Variants in SORBS2 observed in about 807,000 individuals in gnomAD.
The protein encoded by SORBS2 is sorbin and SH3 domain-containing protein 2.
Under a neutral mutation model 97.7 loss-of-function variants are expected in SORBS2, and 46 were observed. The ratio of observed to expected loss-of-function variants is 0.47; its 90% CI spans 0.37 to 0.60. The LOEUF (loss-of-function observed/expected upper bound fraction) is 0.60. SORBS2 is among the 20% of genes least tolerant of loss of function. The pLI is 0.00. For missense variants in SORBS2, 1,316 were observed against 1,282.3 expected (o/e 1.03, Z -0.40); for synonymous variants, 476 against 473.4 (o/e 1.01, Z -0.07).
chr4:185,887,604 A>G (rs1227253202), intron 1 of SORBS2, among the ~76,000 whole-genome samples: 3 of 152,210 alleles, frequency 2.0e-5, no homozygotes, highest in Non-Finnish European at 4.4e-5. Flanking sequence ...TATGCTATTT[A>G]TGATATTTCA....
At chr4:185,893,947 G>C (rs11939281) in intron 1 of SORBS2, among the ~76,000 whole-genome samples, 1 of 152,082 alleles carries the variant, frequency 6.6e-6, no homozygotes, top group African/African-American at 2.4e-5. Flanking sequence ...TCCTAGATCC[G>C]GATGAGGAAG....
At chr4:185,650,416 A>C (rs929771628) in intron 2 of SORBS2, among the ~76,000 whole-genome samples, 1 of 152,080 alleles carries the variant, frequency 6.6e-6, no homozygotes, top group Admixed American at 6.5e-5. Flanking sequence ...AGAAAAGTGC[A>C]AGGTGTGAAG....
chr4:185,628,503 G>A (rs1252602465), intron 5 of SORBS2, among the ~76,000 whole-genome samples: 2 of 152,136 alleles, frequency 1.3e-5, no homozygotes, highest in African/African-American at 4.8e-5. Flanking sequence ...CTGTAATCAA[G>A]TACTTTGGGA....
At chr4:185,923,472 A>ATTTATTTTTTTTTT (rs2099261963) in intron 1 of SORBS2, among the ~76,000 whole-genome samples, 1 of 110,478 alleles carries the variant, frequency 9.1e-6, no homozygotes, top group Non-Finnish European at 1.8e-5. Context: ...CTTTTTTTTA[A>ATTTATTTTTTTTTT]TTTTTTTTTT....
chr4:185,732,539 T>G (rs6552918), intron 2 of SORBS2, among the ~76,000 whole-genome samples: 3,264 of 152,310 alleles, frequency 0.021, 139 homozygotes, highest in African/African-American at 0.075. Context: ...CATGGGTCAG[T>G]CCTGCCCCAC....
chr4:185,601,290 A>G (rs1296783058), intron 12 of SORBS2, among the ~76,000 whole-genome samples: 1 of 152,206 alleles, frequency 6.6e-6, no homozygotes, highest in African/African-American at 2.4e-5. Context: ...CATTCTGGAT[A>G]AAGACCACAT....
At chr4:185,749,238 G>A (rs1445612632) in intron 2 of SORBS2, among the ~76,000 whole-genome samples, 1 of 152,158 alleles carries the variant, frequency 6.6e-6, no homozygotes, top group Admixed American at 6.5e-5. Context: ...AGCAACTGGG[G>A]ACTGGGATTG....
intron 2 of SORBS2, among the ~76,000 whole-genome samples, chr4:185,692,901 T>C (rs993111051): frequency 6.6e-6 from 1 of 152,182 alleles, no homozygotes; most frequent in South Asian, 2.1e-4. Flanking sequence ...ATAGGTAAAA[T>C]CACAGTACTG....
chr4:185,800,582 C>T (rs2099125509), intron 1 of SORBS2, among the ~76,000 whole-genome samples: 1 of 152,128 alleles, frequency 6.6e-6, no homozygotes, highest in African/African-American at 2.4e-5. Flanking sequence ...GGTAGCCCTG[C>T]TTCCCTTGCA....
At chr4:185,882,883 C>G (rs987860418) in intron 1 of SORBS2, among the ~76,000 whole-genome samples, 3 of 152,094 alleles carry the variant, frequency 2.0e-5, no homozygotes, top group Admixed American at 1.3e-4. Flanking sequence ...ACACAAACAT[C>G]TCAGCTTATA....
chr4:185,817,728 GA>G (rs1195765986), intron 1 of SORBS2, among the ~76,000 whole-genome samples: 1 of 152,234 alleles, frequency 6.6e-6, no homozygotes, highest in Non-Finnish European at 1.5e-5. Flanking sequence ...GGTTTCACCT[GA>G]GCCACTGAAA....
intron 1 of SORBS2, among the ~76,000 whole-genome samples, chr4:185,843,808 C>A (rs552240926): frequency 1.5e-4 from 23 of 152,158 alleles, no homozygotes; most frequent in Non-Finnish European, 3.1e-4. Context: ...TGCAATAAAT[C>A]CCAATTAAAA....
intron 2 of SORBS2, among the ~76,000 whole-genome samples, 200 bp from the exon 4 acceptor site, chr4:185,690,811 A>G (rs1377095012): frequency 6.6e-6 from 1 of 152,222 alleles, no homozygotes. Context: ...CCATGCTCAT[A>G]AAACAGACAT....
rs1431293135 is a variant in SORBS2 at position 185,868,155 on chromosome 4, C to CTTTTTTTTTTTTT, written c.-338+88040_-338+88041insAAAAAAAAAAAAA. Among the ~76,000 whole-genome samples the CTTTTTTTTTTTTT allele has an allele frequency of 6.8e-3, 683 of 100,550 alleles. 74 individuals carry two copies. The highest frequency in any genetic ancestry group is 8.0e-3 in the Non-Finnish European group (428 of 53,210). The allele number at this position is 100,550 out of a possible 152,430, so 66.0% of individuals were successfully genotyped here. On this transcript the variant is annotated intron_variant, in intron 1 of 20. Transcript: ENST00000284776. ...CCTTTCTCTTTTCTTTTCTTTTTTTCTTTCTTTTTTTTTTTTTTTGAGGCA... is the reference window on the plus strand; with the variant it reads ...CCTTTCTCTTTTCTTTTCTTTTTTTCTTTTTTTTTTTTTTTTCTTTTTTTTTTTTTTTGAGGCA...
chr4:185,955,146 C>T (rs184692146), intron 1 of SORBS2, among the ~76,000 whole-genome samples: 12 of 152,140 alleles, frequency 7.9e-5, no homozygotes, highest in African/African-American at 2.7e-4. Context: ...TTTCAATGGG[C>T]CATGTTTCTT....
chr4:185,751,998 A>G (rs959676492), intron 2 of SORBS2, among the ~76,000 whole-genome samples: 3 of 152,108 alleles, frequency 2.0e-5, no homozygotes, highest in African/African-American at 4.8e-5. Context: ...GCTAACTGCC[A>G]TCGTGTGGGT....
chr4:185,937,300 C>T lies in SORBS2; in HGVS notation c.-338+18896G>A, dbSNP rs149414643. 2.2e-4 allele frequency among the ~76,000 whole-genome samples: 33 copies of T among 152,210 alleles called. No homozygotes were observed. The East Asian group carries it at 6.0e-3, about 28-fold the overall frequency. On this transcript the variant is annotated intron_variant, in intron 1 of 20. Coordinates refer to the SORBS2 transcript ENST00000284776. ...TTCTGCATTGTACTAGCAGTCTCAC[C>T]GTGGGTGAGGCAATTTCTTGAAACT...
At chr4:185,647,314 C>A (rs1263405882) in intron 3 of SORBS2, among the ~76,000 whole-genome samples, 1 of 151,952 alleles carries the variant, frequency 6.6e-6, no homozygotes, top group Admixed American at 6.6e-5. Context: ...CAAGGAATAT[C>A]TTCCAAGAGG....
At chr4:185,932,150 C>CCA (rs2099266833) in intron 1 of SORBS2, among the ~76,000 whole-genome samples, 1 of 151,246 alleles carries the variant, frequency 6.6e-6, no homozygotes, top group Non-Finnish European at 1.5e-5. Context: ...GGAAGGGGCC[C>CCA]CAAGATCATG....
Sources: gnomAD v4.1 joint callset for allele counts (sites outside exome capture counted in the v4.1 genomes callset) on GRCh38, gnomAD v4.1.1 for gene constraint, MANE v1.5 for transcripts, NCBI Gene and HGNC (gene_info 2026-07-23, HGNC 2026-07-21) for gene names.